The following ENOX1 variants were observed in gnomAD, a reference collection of about 807,000 sequenced individuals.
The protein encoded by ENOX1 is candidate growth-related and time keeping constitutive hydroquinone (NADH) oxidase.
A neutral mutation model predicts 82.5 loss-of-function variants in ENOX1; 42 were observed. The observed-to-expected ratio is 0.51, with a 90% CI of 0.40 to 0.66. The LOEUF (loss-of-function observed/expected upper bound fraction) is 0.66, where lower values mean the gene tolerates loss of function less well. Ranked by LOEUF, ENOX1 falls within the 30% of genes least tolerant of loss-of-function variation. ENOX1 has a pLI of 0.00. For synonymous variants in ENOX1, 271 were observed against 282.2 expected, an observed-to-expected ratio of 0.96 and a Z score of 0.40; for missense variants, 608 against 811.6, an observed-to-expected ratio of 0.75 and a Z score of 3.05.
At chr13:43,393,845 T>C (rs192184088) in intron 5 of ENOX1, among the ~76,000 whole-genome samples, 2 of 152,310 alleles carry the variant, frequency 1.3e-5, no homozygotes, top group Non-Finnish European at 1.5e-5. Context: ...GTGTTGGAGG[T>C]GGGGCCTGGT....
chr13:43,264,831 C>G (rs2044275432), intron 14 of ENOX1, among the ~76,000 whole-genome samples: 1 of 152,150 alleles, frequency 6.6e-6, no homozygotes, highest in African/African-American at 2.4e-5. Flanking sequence ...ATTGGATATT[C>G]AAGGAACACT....
chr13:43,786,490 A>T lies in ENOX1; in HGVS notation c.-285+162T>A, dbSNP rs1312170484. 6.6e-6 allele frequency among the ~76,000 whole-genome samples: 1 copy of T among 151,616 alleles called. No individual in the cohort carries two copies. The highest frequency in any genetic ancestry group is 1.5e-5 in the Non-Finnish European group (1 of 67,858). On this transcript the variant is annotated intron_variant, in intron 1 of 16. Transcript: ENST00000690772. This position sits in a 1 kb window ranked among gnomAD's most constrained non-coding sequence, Gnocchi z 6.0. ...GCTGCACCGAAGCCCCCACGCGTCC[A>T]CGCACCCCTCCTCACCAGCCTCACC...
rs184417229 is a variant in ENOX1 at position 43,306,092 on chromosome 13, G to A, written c.1262-7562C>T. On this transcript the variant is annotated intron_variant, in intron 11 of 16. Transcript: ENST00000690772. ...TGTAGTGGGAGTCAAATAAGGGAGA[G>A]AAGGCTTCTGGCTGGAACATAAGAG... Among the ~76,000 whole-genome samples the A allele has an allele frequency of 2.7e-4, 41 of 152,332 alleles. 1 individual carries two copies. The highest frequency in any genetic ancestry group is 9.1e-4 in the African/African-American group (38 of 41,570).
At chr13:43,440,719 C>A (rs533174006) in intron 3 of ENOX1, among the ~76,000 whole-genome samples, 11 of 152,192 alleles carry the variant, frequency 7.2e-5, no homozygotes, top group Non-Finnish European at 1.2e-4. Context: ...ATACAAATCA[C>A]TGAAGTATCA....
At chr13:43,696,369 C>T (rs746719084) in intron 1 of ENOX1, among the ~76,000 whole-genome samples, 11 of 152,306 alleles carry the variant, frequency 7.2e-5, no homozygotes, top group Non-Finnish European at 1.3e-4. Flanking sequence ...CAGGAACTGC[C>T]AAATTGTTTT....
In ENOX1 at chr13:43,612,196, A is replaced by G. The variant is rs1208470578; in HGVS notation, c.-219+55283T>C. Among the ~76,000 whole-genome samples, 3 of 152,220 alleles carry G rather than the reference A, an allele frequency of 2.0e-5. No individual in the cohort carries two copies. The East Asian group carries it at 5.8e-4, about 29-fold the overall frequency. The stretch of plus-strand genomic sequence containing the variant: ...GAAAGCAGTCAGAGAGAACAGATGA[A>G]GGAGCCAGGCAAGCTCTTTTTGAAT... On this transcript the variant is annotated intron_variant, in intron 2 of 16. Transcript: ENST00000690772.
chr13:43,483,727 TCA>T (rs2058593712), intron 3 of ENOX1, among the ~76,000 whole-genome samples: 1 of 152,234 alleles, frequency 6.6e-6, no homozygotes, highest in East Asian at 1.9e-4. Flanking sequence ...TTGAATCTAT[TCA>T]GTTAGAATTT....
chr13:43,604,968 GCAAA>G (rs2081912367), intron 2 of ENOX1, among the ~76,000 whole-genome samples: 1 of 151,958 alleles, frequency 6.6e-6, no homozygotes, highest in South Asian at 2.1e-4. Context: ...TATGCCAACA[GCAAA>G]CAATCTGAAA....
intron 5 of ENOX1, among the ~76,000 whole-genome samples, chr13:43,397,120 C>T (rs1235376224): frequency 6.6e-6 from 1 of 152,222 alleles, no homozygotes; most frequent in Non-Finnish European, 1.5e-5. Flanking sequence ...TCTGGCATGC[C>T]CCTCTCTTGG....
intron 2 of ENOX1, among the ~76,000 whole-genome samples, chr13:43,606,285 C>T (rs192036949): frequency 2.0e-5 from 3 of 152,176 alleles, no homozygotes; most frequent in East Asian, 1.9e-4. Context: ...AACTACCATA[C>T]GATTTAGCAA....
chr13:43,380,264 A>C (rs1322030166), intron 5 of ENOX1, among the ~76,000 whole-genome samples: 1 of 151,670 alleles, frequency 6.6e-6, no homozygotes, highest in Non-Finnish European at 1.5e-5. Flanking sequence ...GTTGAATAGA[A>C]AAAAAAAATT....
intron 11 of ENOX1, among the ~76,000 whole-genome samples, chr13:43,305,718 G>A (rs928275272): frequency 2.0e-5 from 3 of 152,104 alleles, no homozygotes; most frequent in Admixed American, 6.5e-5. Flanking sequence ...CCTCTGCTCC[G>A]ACCCAAAACC....
chr13:43,402,542 T>C (rs997275562), intron 5 of ENOX1, among the ~76,000 whole-genome samples: 2 of 152,132 alleles, frequency 1.3e-5, no homozygotes, highest in East Asian at 3.8e-4. Context: ...GTTAGACAGA[T>C]GATAGAATAA....
intron 9 of ENOX1, among the ~76,000 whole-genome samples, chr13:43,327,922 T>G (rs1348674348): frequency 6.6e-6 from 1 of 152,214 alleles, no homozygotes; most frequent in East Asian, 1.9e-4. Flanking sequence ...TTTATCTTTT[T>G]GCTATTAATA....
At chr13:43,367,948 A>G (rs1489537327) in intron 5 of ENOX1, among the ~76,000 whole-genome samples, 1 of 152,232 alleles carries the variant, frequency 6.6e-6, no homozygotes, top group Non-Finnish European at 1.5e-5. Flanking sequence ...CTGGAAGCAG[A>G]ATAGCTCTTA....
chr13:43,548,263 A>G (rs2079049565), intron 2 of ENOX1, among the ~76,000 whole-genome samples: 1 of 139,102 alleles, frequency 7.2e-6, no homozygotes, highest in Admixed American at 7.6e-5. Context: ...AAAACAACTA[A>G]CATCCCTCTC....
Position 43,437,291 on chromosome 13 carries a change from A to T in ENOX1, c.-74-24303T>A, listed in dbSNP as rs188072365. ...AAAATACGCATGGAATTTCAGCCTG[A>T]CGTGGTGATGGGGGGATTTACTCAC... On this transcript the variant is annotated intron_variant, in intron 3 of 16. Transcript: ENST00000690772. Among the ~76,000 whole-genome samples the T allele has an allele frequency of 1.7e-3, 265 of 152,276 alleles. 1 individual carries two copies. Among genetic ancestry groups the T allele is most frequent in the Non-Finnish European group, 2.8e-3 (191 of 68,022 alleles).
intron 3 of ENOX1, among the ~76,000 whole-genome samples, chr13:43,442,460 G>A (rs1011309577): frequency 1.3e-5 from 2 of 152,114 alleles, no homozygotes; most frequent in Non-Finnish European, 1.5e-5. Context: ...TAGGGCAAGA[G>A]GCAGCAGTGA....
intron 1 of ENOX1, among the ~76,000 whole-genome samples, chr13:43,773,719 T>A (rs1951774602): frequency 6.6e-6 from 1 of 152,226 alleles, no homozygotes; most frequent in African/African-American, 2.4e-5. Flanking sequence ...TCAAAGTACT[T>A]ATCATAAGAT....
Sources: gnomAD v4.1 joint callset for allele counts (sites outside exome capture counted in the v4.1 genomes callset) on GRCh38, gnomAD v4.1.1 for gene constraint, Gnocchi (gnomAD v3.1) non-coding constraint, MANE v1.5 for transcripts, NCBI Gene and HGNC (gene_info 2026-07-23, HGNC 2026-07-21) for gene names.